The following FAM151B variants were observed in gnomAD, a reference collection of about 807,000 sequenced individuals.
The protein encoded by FAM151B is family with sequence similarity 151 member B.
FAM151B carries 24 observed loss-of-function variants against 31.2 expected under a neutral mutation model. The ratio of observed to expected loss-of-function variants is 0.77; its 90% CI spans 0.56 to 1.08. The LOEUF (loss-of-function observed/expected upper bound fraction) is 1.08. Ranked by LOEUF, FAM151B falls within the 50% of genes least tolerant of loss-of-function variation. FAM151B has a pLI of 0.00. For synonymous variants in FAM151B, 105 were observed against 111.4 expected (o/e 0.94, Z 0.36); for missense variants, 293 against 328.6 (o/e 0.89, Z 0.84).
At chr5:80,507,225 G>T (rs1744002865) in intron 2 of FAM151B, among the ~76,000 whole-genome samples, 2 of 152,308 alleles carry the variant, frequency 1.3e-5, no homozygotes, top group East Asian at 1.9e-4. Flanking sequence ...CTTCAAAGGG[G>T]CTGTTCCAAG....
intron 5 of FAM151B, among the ~76,000 whole-genome samples, chr5:80,540,667 T>C (rs983622118): frequency 6.6e-6 from 1 of 152,232 alleles, no homozygotes; most frequent in African/African-American, 2.4e-5. Flanking sequence ...CCAGATAAAG[T>C]AATAGAGATT....
chr5:80,511,150 G>A (rs778866387), intron 2 of FAM151B: 1 of 151,972 alleles, frequency 6.6e-6, no homozygotes, highest in Non-Finnish European at 1.5e-5. Context: ...GAATCTGAAT[G>A]TATCCTCCAA....
chr5:80,537,479 G>A (rs2112676939), intron 5 of FAM151B, among the ~76,000 whole-genome samples: 1 of 152,306 alleles, frequency 6.6e-6, no homozygotes, highest in East Asian at 1.9e-4. Flanking sequence ...ACGCTCCAAT[G>A]TCGTAGCGGA....
rs147015546 is a variant in FAM151B, at chr5:80,538,801, A to G, written c.672-2872A>G. Reference sequence around the variant, plus strand: ...TTTAGTGGAGACGGGGTTTTGCTACATTGGCCAGGCTGGTCTTGAACGCCT... The same window carrying G: ...TTTAGTGGAGACGGGGTTTTGCTACGTTGGCCAGGCTGGTCTTGAACGCCT... On this transcript the variant is annotated intron_variant, in intron 5 of 5. Transcript: ENST00000282226. Among the ~76,000 whole-genome samples the G allele has an allele frequency of 4.1e-3, 615 of 151,636 alleles. 4 individuals carry two copies. Among genetic ancestry groups the G allele is most frequent in the African/African-American group, 0.014 (572 of 41,380 alleles).
In FAM151B at chr5:80,541,745, T is replaced by C. The variant is rs543521901; in HGVS notation, c.744T>C (p.His248=). The change falls in exon 6 of 6, where the codon CAT becomes CAC. Residue 248 remains histidine, a synonymous_variant. Transcript: ENST00000282226. ...AAGATTTACTTTACATTAGAGACCA[T>C]TTTGACAAAAAACAAGTTTTCTATG... ...SVEDLLYIRD[H]FDKKQVFYDI... is the part of the protein sequence containing the mutation. 2.5e-6 allele frequency: 4 copies of C among 1,613,654 alleles called. No homozygotes were observed. In the East Asian group the frequency reaches 8.9e-5, roughly 36 times the overall value.
chr5:80,524,323 CAT>C (rs1352962950), intron 5 of FAM151B, among the ~76,000 whole-genome samples: 2 of 152,020 alleles, frequency 1.3e-5, no homozygotes, highest in African/African-American at 4.8e-5. Flanking sequence ...TTGATTTTCA[CAT>C]AGTCATATGT....
At chr5:80,530,779 A>G (rs1745203892) in intron 5 of FAM151B, among the ~76,000 whole-genome samples, 1 of 152,236 alleles carries the variant, frequency 6.6e-6, no homozygotes, top group African/African-American at 2.4e-5. Flanking sequence ...CATGGATAGG[A>G]AGAATCAATA....
chr5:80,496,025 T>C (rs1188892533), intron 1 of FAM151B, among the ~76,000 whole-genome samples: 1 of 152,196 alleles, frequency 6.6e-6, no homozygotes, highest in Non-Finnish European at 1.5e-5. Context: ...GTGAACATTG[T>C]TGAAATGACC....
rs77753727 is a variant in FAM151B at position 80,541,057 on chromosome 5, G to A, written c.672-616G>A. Among the ~76,000 whole-genome samples, 1,490 of 152,332 alleles carry A rather than the reference G, an allele frequency of 9.8e-3. 23 individuals are homozygous for A. The highest frequency in any genetic ancestry group is 0.033 in the African/African-American group (1,390 of 41,568). The stretch of plus-strand genomic sequence containing the variant: ...GAAGAAATAGAAGTGTACAGTTTAA[G>A]TAACATTAACATTCTGAGCATATTC... On this transcript the variant is annotated intron_variant, in intron 5 of 5. Coordinates refer to ENST00000282226, the MANE Select transcript of FAM151B (RefSeq NM_205548.3).
At chr5:80,503,584 A>C (rs924738005) in intron 2 of FAM151B, among the ~76,000 whole-genome samples, 4 of 152,152 alleles carry the variant, frequency 2.6e-5, no homozygotes, top group Admixed American at 6.6e-5. Flanking sequence ...AAAAAGAAAG[A>C]AAGCAAAGAA....
At position 80,537,931 on chromosome 5, in the gene FAM151B, T is replaced by G. The variant is rs1348345852; in HGVS notation, c.672-3742T>G. Among the ~76,000 whole-genome samples the G allele has an allele frequency of 2.0e-5, 3 of 152,120 alleles. 1 individual carries two copies. Among genetic ancestry groups the G allele is most frequent in the Admixed American group, 2.0e-4 (3 of 15,272 alleles). On this transcript the variant is annotated intron_variant, in intron 5 of 5. Transcript: ENST00000282226. ...AACTTAATAGAATAAAGACTTACACTGTGAAAAGGCTTTCTCTCATCTACC... is the reference window on the plus strand; with the variant it reads ...AACTTAATAGAATAAAGACTTACACGGTGAAAAGGCTTTCTCTCATCTACC...
chr5:80,539,020 A>G (rs1271553043), intron 5 of FAM151B, among the ~76,000 whole-genome samples: 1 of 111,980 alleles, frequency 8.9e-6, no homozygotes, highest in East Asian at 2.4e-4. Context: ...GACTTAATAC[A>G]TGGTGGAGCT....
intron 2 of FAM151B, among the ~76,000 whole-genome samples, chr5:80,505,570 A>G (rs1269867249): frequency 6.6e-6 from 1 of 150,986 alleles, no homozygotes; most frequent in Non-Finnish European, 1.5e-5. Flanking sequence ...AATTTTTTGT[A>G]TTTTTAGTAG....
chr5:80,497,155 GTGGCTCACGC>G (rs1377964319), intron 1 of FAM151B, among the ~76,000 whole-genome samples: 2 of 151,982 alleles, frequency 1.3e-5, no homozygotes, highest in Admixed American at 6.5e-5. Flanking sequence ...GCCAGGCACG[GTGGCTCACGC>G]CTATAATCTC....
At chr5:80,490,646 T>C (rs1284067585) in intron 1 of FAM151B, among the ~76,000 whole-genome samples, 1 of 152,256 alleles carries the variant, frequency 6.6e-6, no homozygotes, top group African/African-American at 2.4e-5. Flanking sequence ...GGATGTTTCA[T>C]ATAAATGGAA....
intron 2 of FAM151B, chr5:80,505,958 G>A (rs564578939): frequency 6.9e-5 from 20 of 288,506 alleles, no homozygotes; most frequent in African/African-American, 3.0e-4. Context: ...AGATTTCACC[G>A]TGTTGGCCAG....
intron 5 of FAM151B, among the ~76,000 whole-genome samples, chr5:80,526,554 T>TGG (rs1416441713): frequency 6.6e-6 from 1 of 151,836 alleles, no homozygotes; most frequent in African/African-American, 2.4e-5. Context: ...TGGGAGATGG[T>TGG]GGTTGCAGTG....
At chr5:80,501,312 G>A (rs937925741) in intron 1 of FAM151B, 39 of 964,160 alleles carry the variant, frequency 4.0e-5, no homozygotes, top group Admixed American at 1.8e-5. Flanking sequence ...GAGCCACCGC[G>A]CCCGGCCGAG....
Position 80,530,911 on chromosome 5 carries a change from A to C in FAM151B, c.671+8773A>C, listed in dbSNP as rs551447836. Among the ~76,000 whole-genome samples the C allele has an allele frequency of 2.6e-5, 4 of 152,300 alleles. No homozygotes were observed. In the East Asian group the frequency reaches 7.7e-4, roughly 29 times the overall value. ...CTTTAAAATTCATATGGAACCAAAA[A>C]AGAGCCCGCATTGCCAAGACAATCT... is the stretch of plus-strand genomic sequence containing the variant. On this transcript the variant is annotated intron_variant, in intron 5 of 5. Transcript: ENST00000282226.
Sources: allele counts gnomAD v4.1 joint callset (sites outside exome capture counted in the v4.1 genomes callset), GRCh38; gene constraint gnomAD v4.1.1; transcripts MANE v1.5; gene names NCBI Gene and HGNC (gene_info 2026-07-23, HGNC 2026-07-21).